Variants in LMO7 observed in about 807,000 individuals in gnomAD.
LMO7 encodes LIM domain only protein 7.
A neutral mutation model predicts 206.5 loss-of-function variants in LMO7; 120 were observed. The ratio of observed to expected loss-of-function variants is 0.58; its 90% CI spans 0.50 to 0.68. LMO7 has a LOEUF of 0.68. LMO7 is among the 30% of genes least tolerant of loss of function. The pLI, the probability that LMO7 is intolerant of heterozygous loss-of-function variation, is 0.00. For missense variants in LMO7, 1,959 were observed against 1,957.9 expected, an observed-to-expected ratio of 1.00 and a Z score of -0.01; for synonymous variants, 706 against 681.5, an observed-to-expected ratio of 1.04 and a Z score of -0.56.
chr13:75,809,541 A>G (rs1229538684), intron 11 of LMO7, among the ~76,000 whole-genome samples: 2 of 152,210 alleles, frequency 1.3e-5, no homozygotes, highest in Admixed American at 6.5e-5. Context: ...TATGGATGCT[A>G]AAGCCCAAAT....
At chr13:75,743,484 TATG>T (rs2046586426) in intron 3 of LMO7, among the ~76,000 whole-genome samples, 1 of 151,954 alleles carries the variant, frequency 6.6e-6, no homozygotes, top group Non-Finnish European at 1.5e-5. Context: ...AAAAAGAAAA[TATG>T]GTACATATAT....
intron 1 of LMO7, among the ~76,000 whole-genome samples, chr13:75,660,294 T>A (rs757993431): frequency 2.0e-5 from 3 of 152,224 alleles, no homozygotes; most frequent in Non-Finnish European, 4.4e-5. Flanking sequence ...TATTGCCCCA[T>A]TTTACTCTGT....
intron 2 of LMO7, among the ~76,000 whole-genome samples, chr13:75,725,851 T>C (rs2044424011): frequency 2.6e-5 from 4 of 152,076 alleles, no homozygotes; most frequent in Admixed American, 2.0e-4. Context: ...GCCACTGTTT[T>C]ATAATTTTGA....
At chr13:75,743,798 G>A (rs2046613466) in intron 3 of LMO7, among the ~76,000 whole-genome samples, 1 of 152,038 alleles carries the variant, frequency 6.6e-6, no homozygotes, top group African/African-American at 2.4e-5. Context: ...AAACCCCCAT[G>A]ACATGAATTT....
At chr13:75,663,429 TTTC>T (rs1331107563) in intron 1 of LMO7, among the ~76,000 whole-genome samples, 1,872 of 95,752 alleles carry the variant, frequency 0.02, 31 homozygotes, top group East Asian at 0.055. Flanking sequence ...TCTTTCTTTC[TTTC>T]TTTTTTTTTT....
chr13:75,829,721 C>G lies in LMO7; in HGVS notation c.2950-3330C>G, dbSNP rs1026936983. Among the ~76,000 whole-genome samples the G allele has an allele frequency of 4.0e-5, 6 of 151,052 alleles. No individual in the cohort carries two copies. The East Asian group carries it at 1.2e-3, about 29-fold the overall frequency. ...CCCTGTTTTTTTTTTTAAATTCTAT[C>G]TATGTTGACATGAAAATCTTAATTC... On this transcript the variant is annotated intron_variant, in intron 15 of 30. Coordinates refer to ENST00000377534, the MANE Select transcript of LMO7 (RefSeq NM_001306080.2).
At chr13:75,843,706 A>C (rs1024803019) in intron 25 of LMO7, among the ~76,000 whole-genome samples, 2 of 152,212 alleles carry the variant, frequency 1.3e-5, no homozygotes, top group Non-Finnish European at 2.9e-5. Context: ...TAATGTTTTA[A>C]AGCAATTTTT....
chr13:75,658,962 T>G (rs534389878), intron 1 of LMO7, among the ~76,000 whole-genome samples: 73 of 152,186 alleles, frequency 4.8e-4, no homozygotes, highest in Non-Finnish European at 9.4e-4. Flanking sequence ...AACTCAACTC[T>G]TATTAATTCT....
intron 1 of LMO7, among the ~76,000 whole-genome samples, chr13:75,647,951 C>CTTTTCT (rs2037189263): frequency 3.3e-5 from 3 of 91,148 alleles, no homozygotes; most frequent in Middle Eastern, 7.1e-3. Context: ...TCTTTTCTTT[C>CTTTTCT]TTTTTTTTTT....
intron 3 of LMO7, among the ~76,000 whole-genome samples, chr13:75,727,804 T>G: frequency 8.1e-6 from 1 of 123,528 alleles, no homozygotes. Flanking sequence ...GTCCCCAGAG[T>G]GTGATGTTCC....
chr13:75,763,663 T>A (rs1469005347), intron 4 of LMO7, among the ~76,000 whole-genome samples: 2 of 152,174 alleles, frequency 1.3e-5, no homozygotes, highest in Non-Finnish European at 2.9e-5. Flanking sequence ...GTGCATAGAC[T>A]TGTTGTTGGC....
At chr13:75,739,642 C>A (rs935663155) in intron 3 of LMO7, among the ~76,000 whole-genome samples, 9 of 152,342 alleles carry the variant, frequency 5.9e-5, no homozygotes, top group Non-Finnish European at 1.3e-4. Context: ...CTCTCCTACA[C>A]ACTTCCCCTC....
upstream of LMO7, among the ~76,000 whole-genome samples, chr13:75,632,930 G>A (rs1036151286): frequency 7.2e-6 from 1 of 138,390 alleles, no homozygotes; most frequent in East Asian, 2.1e-4. Context: ...CCGTGGTCTC[G>A]GCTCACTTCA....
chr13:75,680,298 T>C (rs973954659), intron 1 of LMO7, among the ~76,000 whole-genome samples: 8 of 152,260 alleles, frequency 5.3e-5, no homozygotes, highest in Non-Finnish European at 8.8e-5. Flanking sequence ...CAGTCTATCA[T>C]TGATGGGCAT....
At chr13:75,802,361 T>G (rs1002098143) in intron 7 of LMO7, among the ~76,000 whole-genome samples, 1 of 152,220 alleles carries the variant, frequency 6.6e-6, no homozygotes, top group Non-Finnish European at 1.5e-5. Context: ...AGGAAATGAA[T>G]CTGAGTATGT....
intron 3 of LMO7, among the ~76,000 whole-genome samples, chr13:75,730,227 G>A (rs2045001037): frequency 6.6e-6 from 1 of 152,052 alleles, no homozygotes; most frequent in Non-Finnish European, 1.5e-5. Flanking sequence ...TTGTACCTCT[G>A]GTAGTATTTG....
upstream of LMO7, chr13:75,635,883 G>A (rs1051854786): frequency 4.6e-5 from 7 of 153,028 alleles, no homozygotes; most frequent in African/African-American, 1.4e-4. Flanking sequence ...CAGCTGGCCG[G>A]GGCTCAGGTG....
intron 1 of LMO7, among the ~76,000 whole-genome samples, chr13:75,676,151 A>G (rs1351486873): frequency 6.6e-6 from 1 of 152,198 alleles, no homozygotes; most frequent in African/African-American, 2.4e-5. Context: ...GTAGATGAAT[A>G]AAATTATGCT....
intron 1 of LMO7, among the ~76,000 whole-genome samples, chr13:75,696,520 T>G (rs1413812933): frequency 6.6e-6 from 1 of 152,176 alleles, no homozygotes; most frequent in African/African-American, 2.4e-5. Flanking sequence ...TGGGACTTAG[T>G]AGTAGGTCTC....
Sources: allele counts gnomAD v4.1 joint callset (sites outside exome capture counted in the v4.1 genomes callset), GRCh38; gene constraint gnomAD v4.1.1; transcripts MANE v1.5; gene names NCBI Gene and HGNC (gene_info 2026-07-23, HGNC 2026-07-21).